SLC13A3: variants seen among roughly 807,000 people sequenced by gnomAD.
The protein encoded by SLC13A3 is Na(+)/dicarboxylate cotransporter 3.
A neutral mutation model predicts 59.0 loss-of-function variants in SLC13A3; 40 were observed. The ratio of observed to expected loss-of-function variants is 0.68; its 90% CI spans 0.53 to 0.88. The LOEUF is 0.88. SLC13A3 is among the 40% of genes least tolerant of loss of function. The pLI is 0.00. For missense variants in SLC13A3, 699 were observed against 783.2 expected (o/e 0.89, Z 1.28); for synonymous variants, 317 against 330.3 (o/e 0.96, Z 0.44).
In SLC13A3 at chr20:46,630,740, C is replaced by T. The variant is rs537720409; in HGVS notation, c.112-17015G>A. Among the ~76,000 whole-genome samples the T allele has an allele frequency of 1.1e-3, 170 of 152,314 alleles. 4 individuals carry two copies. The South Asian group carries it at 0.02, about 18-fold the overall frequency. On this transcript the variant is annotated intron_variant, in intron 1 of 12. Coordinates refer to ENST00000279027, the MANE Select transcript of SLC13A3 (RefSeq NM_022829.6). ...GAAAGTGCTGTTTTCTTTTGCATAT[C>T]TGTATTTTCTAATCTTTCTACAACA...
At chr20:46,630,137 C>T (rs2062722816) in intron 1 of SLC13A3, among the ~76,000 whole-genome samples, 1 of 152,150 alleles carries the variant, frequency 6.6e-6, no homozygotes, top group African/African-American at 2.4e-5. Context: ...AAGGGGGAGC[C>T]CCTTACTCAA....
chr20:46,667,025 G>A (rs569094046), intron 1 of SLC13A3, among the ~76,000 whole-genome samples: 3 of 152,060 alleles, frequency 2.0e-5, no homozygotes, highest in South Asian at 2.1e-4. Context: ...AAGGGGTGTG[G>A]CACTCACTTC....
chr20:46,560,440 G>A (rs953886470), intron 12 of SLC13A3, among the ~76,000 whole-genome samples: 2 of 152,180 alleles, frequency 1.3e-5, no homozygotes, highest in African/African-American at 4.8e-5. Context: ...TCCAGGCACT[G>A]TGTGCTACGC....
intron 1 of SLC13A3, among the ~76,000 whole-genome samples, chr20:46,618,107 T>G (rs1217835565): frequency 6.6e-6 from 1 of 152,190 alleles, no homozygotes; most frequent in Non-Finnish European, 1.5e-5. Context: ...ACTTTCATCT[T>G]AGGTCTATTA....
chr20:46,590,955 T>G (rs2062248291), intron 6 of SLC13A3, among the ~76,000 whole-genome samples: 1 of 151,600 alleles, frequency 6.6e-6, no homozygotes. Context: ...CACTTGAGGT[T>G]TGAGACCAGC....
At chr20:46,601,215 CA>C (rs1443131191) in intron 3 of SLC13A3, among the ~76,000 whole-genome samples, 1 of 152,134 alleles carries the variant, frequency 6.6e-6, no homozygotes, top group East Asian at 1.9e-4. Context: ...ATATGATTTA[CA>C]TTTTATAAAC....
chr20:46,565,153 T>A (rs1404170809), intron 11 of SLC13A3, among the ~76,000 whole-genome samples: 2 of 152,230 alleles, frequency 1.3e-5, no homozygotes, highest in African/African-American at 2.4e-5. Flanking sequence ...GTATAAAAGC[T>A]ACCTGATCAT....
intron 10 of SLC13A3, among the ~76,000 whole-genome samples, chr20:46,568,145 G>A (rs1264985264): frequency 6.6e-6 from 1 of 151,920 alleles, no homozygotes; most frequent in Non-Finnish European, 1.5e-5. Flanking sequence ...CTGTAACCCA[G>A]CACTTTTAGA....
At chr20:46,662,661 TACA>T (rs1191503391) in intron 1 of SLC13A3, among the ~76,000 whole-genome samples, 4 of 152,354 alleles carry the variant, frequency 2.6e-5, no homozygotes, top group South Asian at 4.1e-4. Context: ...TCTTGAAATA[TACA>T]ACAAGATCCA....
At chr20:46,675,111 A>T (rs538955708), upstream of SLC13A3, among the ~76,000 whole-genome samples, 1 of 152,224 alleles carries the variant, frequency 6.6e-6, no homozygotes, top group Non-Finnish European at 1.5e-5. Flanking sequence ...GAAGAACAGC[A>T]AGGAGCCCAG....
chr20:46,585,361 A>T, intron 8 of SLC13A3: 1 of 1,002,482 alleles, frequency 1.0e-6, no homozygotes, highest in Non-Finnish European at 1.2e-6. Context: ...TCCTTTTTCA[A>T]TTCAGCATTG....
chr20:46,676,754 T>C (rs1031446074), intron 1 of SLC13A3, among the ~76,000 whole-genome samples: 8 of 151,904 alleles, frequency 5.3e-5, no homozygotes, highest in Non-Finnish European at 1.2e-4. Context: ...GCCTGGCAGA[T>C]CTGAACTGAG....
intron 2 of SLC13A3, among the ~76,000 whole-genome samples, chr20:46,612,147 T>G (rs866100761): frequency 2.2e-4 from 32 of 145,644 alleles, no homozygotes; most frequent in Non-Finnish European, 3.6e-4. Flanking sequence ...TTTTTTTTTT[T>G]GAGACAGGGT....
chr20:46,628,112 A>T (rs748538886), intron 1 of SLC13A3, among the ~76,000 whole-genome samples: 1 of 152,172 alleles, frequency 6.6e-6, no homozygotes, highest in Non-Finnish European at 1.5e-5. Flanking sequence ...TGTGTTTGCA[A>T]AATAGAGGCT....
chr20:46,563,680 C>T, intron 11 of SLC13A3, 129 bp from the exon 12 acceptor site: 1 of 1,009,910 alleles, frequency 9.9e-7, no homozygotes, highest in South Asian at 1.8e-5. Flanking sequence ...GAGACAAAGA[C>T]ATCCATAGAG....
chr20:46,608,684 A>G lies in SLC13A3; in HGVS notation c.541+1762T>C, dbSNP rs3091807. On this transcript the variant is annotated intron_variant, in intron 3 of 12. Transcript: ENST00000279027. ...TACTCATGTGACTGTCAGTGAGATT[A>G]ACTTAGATGGTACACGGATCAACAT... 665 of 580,562 alleles carry G rather than the reference A, an allele frequency of 1.1e-3. 3 individuals carry two copies. The highest frequency in any genetic ancestry group is 0.011 in the African/African-American group (608 of 54,150). 36.0% of individuals were successfully genotyped at this position (580,562 alleles called of 1,614,324 possible).
chr20:46,585,470 A>T, intron 8 of SLC13A3: 1 of 995,112 alleles, frequency 1.0e-6, no homozygotes, highest in Non-Finnish European at 1.2e-6. Context: ...TCTGTTAAAA[A>T]AATCTTCTTT....
chr20:46,662,342 TA>T (rs1166474843), intron 1 of SLC13A3, among the ~76,000 whole-genome samples: 2 of 152,262 alleles, frequency 1.3e-5, no homozygotes, highest in Non-Finnish European at 1.5e-5. Flanking sequence ...TCCAAAAAAA[TA>T]ATAACAAAAA....
At chr20:46,568,853 C>A (rs991704584) in intron 10 of SLC13A3, among the ~76,000 whole-genome samples, 4 of 152,254 alleles carry the variant, frequency 2.6e-5, no homozygotes, top group Non-Finnish European at 4.4e-5. Context: ...CCAGCATCCT[C>A]GCAGCCACAC....
Sources: gnomAD v4.1 joint callset for allele counts (sites outside exome capture counted in the v4.1 genomes callset) on GRCh38, gnomAD v4.1.1 for gene constraint, MANE v1.5 for transcripts, NCBI Gene and HGNC (gene_info 2026-07-23, HGNC 2026-07-21) for gene names.